Variants in ST6GALNAC6 observed in about 807,000 individuals in gnomAD.
The protein encoded by ST6GALNAC6 is alpha-N-acetylgalactosaminide alpha-2,6-sialyltransferase 6.
ST6GALNAC6 carries 19 observed loss-of-function variants against 34.3 expected under a neutral mutation model. The ratio of observed to expected loss-of-function variants is 0.55; its 90% CI spans 0.39 to 0.81. The LOEUF is 0.81. Among genes scored for constraint, ST6GALNAC6 ranks in the 40% least tolerant of loss-of-function variants. The pLI, the probability that ST6GALNAC6 is intolerant of heterozygous loss-of-function variation, is 0.00. For missense variants in ST6GALNAC6, 377 were observed against 467.7 expected (o/e 0.81, Z 1.79); for synonymous variants, 185 against 182.1 (o/e 1.02, Z -0.13).
intron 4 of ST6GALNAC6, among the ~76,000 whole-genome samples, chr9:127,891,824 C>T (rs976827461): frequency 6.6e-6 from 1 of 150,664 alleles, no homozygotes; most frequent in East Asian, 2.0e-4. Flanking sequence ...GGCAAGTGAC[C>T]AAAGAGCGAC....
Position 127,897,997 on chromosome 9 carries a change from C to T in ST6GALNAC6, c.-16G>A. On this transcript the variant is annotated 5_prime_UTR_variant, in exon 2 of 7. Transcript: ENST00000373146. Reference sequence around the variant, plus strand: ...AGCAAGCCATGTGACCTCTCTGAGCCTCAGTTTCCTCATCTGTGAAATGGG... The same window carrying T: ...AGCAAGCCATGTGACCTCTCTGAGCTTCAGTTTCCTCATCTGTGAAATGGG... 3 of 1,442,416 alleles carry T rather than the reference C, an allele frequency of 2.1e-6. No homozygotes were observed. The highest frequency in any genetic ancestry group is 2.9e-6 in the Non-Finnish European group (3 of 1,031,744). The allele number at this position is 1,442,416 out of a possible 1,614,324, so 89.4% of individuals were successfully genotyped here. A position where few individuals can be genotyped will look rare whatever the true frequency, so the allele number is the denominator to read the frequency against.
rs1178308476 is a variant in ST6GALNAC6 at position 127,885,847 on chromosome 9, G to C, written c.*752C>G. On this transcript the variant is annotated 3_prime_UTR_variant, in exon 7 of 7. Transcript: ENST00000373146. Reference sequence around the variant, plus strand: ...GCAAAAATACCCTAAAGTTTTCCAGGAGGTGGGGAGGTCACCCCAGACCCC... The same window carrying C: ...GCAAAAATACCCTAAAGTTTTCCAGCAGGTGGGGAGGTCACCCCAGACCCC... The C allele has an allele frequency of 6.6e-6, 1 of 152,200 alleles. No individual in the cohort carries two copies. Among genetic ancestry groups the C allele is most frequent in the African/African-American group, 2.4e-5 (1 of 41,416 alleles). 9.4% of individuals were successfully genotyped at this position (152,200 alleles called of 1,614,324 possible). A position where few individuals can be genotyped will look rare whatever the true frequency, so the allele number is the denominator to read the frequency against.
At chr9:127,887,155 C>T (rs1829821685) in intron 6 of ST6GALNAC6, among the ~76,000 whole-genome samples, 2 of 152,018 alleles carry the variant, frequency 1.3e-5, no homozygotes, top group African/African-American at 2.4e-5. Context: ...AGTTCTTATC[C>T]CGTAAGGTTG....
intron 2 of ST6GALNAC6, chr9:127,897,438 A>G: frequency 5.1e-6 from 5 of 987,020 alleles, no homozygotes; most frequent in Non-Finnish European, 6.0e-6. Flanking sequence ...GAGGCTTGGC[A>G]CACACACCTC....
At position 127,896,243 on chromosome 9, in the gene ST6GALNAC6, T is replaced by G; in HGVS notation, c.116A>C (p.Lys39Thr). 11 of 1,614,064 alleles carry G rather than the reference T, an allele frequency of 6.8e-6. No individual in the cohort carries two copies. The highest frequency in any genetic ancestry group is 9.3e-6 in the Non-Finnish European group (11 of 1,179,966). Residue 39 changes from lysine (K) to threonine (T), a missense_variant and splice_region_variant, in exon 3 of 7, where the codon AAA becomes ACA. Transcript: ENST00000373146. ...GTTAAGAAATGAAGGCAGACTTACTTTGTTGCTACTCATTTCTCTCCGGCG... is the reference window on the plus strand; with the variant it reads ...GTTAAGAAATGAAGGCAGACTTACTGTGTTGCTACTCATTTCTCTCCGGCG... Reference protein sequence around the residue: ...SRRRREMSSNKEQRSAVFVIL... With the variant: ...SRRRREMSSNTEQRSAVFVIL...
chr9:127,901,884 A>G (rs991315487), upstream of ST6GALNAC6, among the ~76,000 whole-genome samples: 1 of 152,102 alleles, frequency 6.6e-6, no homozygotes, highest in African/African-American at 2.4e-5. Context: ...AGTGACCGAG[A>G]TCGTGCCGCT....
chr9:127,891,365 C>T (rs1830123828), intron 4 of ST6GALNAC6, among the ~76,000 whole-genome samples: 1 of 152,176 alleles, frequency 6.6e-6, no homozygotes, highest in African/African-American at 2.4e-5. Context: ...CCTGTAATCC[C>T]AGCACTTTGG....
Position 127,891,029 on chromosome 9 carries a change from C to T in ST6GALNAC6, c.312G>A (p.Arg104=), listed in dbSNP as rs902514880. The T allele has an allele frequency of 1.1e-5, 17 of 1,613,802 alleles. No individual in the cohort carries two copies. The highest frequency in any genetic ancestry group is 3.3e-5 in the South Asian group (3 of 91,068). Residue 104 remains arginine (R), a synonymous_variant, in exon 5 of 7, where the codon CGG becomes CGA. Transcript: ENST00000373146. ...TGCTGACAATCACACACTGGTGGCA[C>T]CGAGAGGGCAGTGTCTGGTGGATAA... ...PILGNKTLPS[R]CHQCVIVSSS... is the part of the protein sequence containing the mutation.
In ST6GALNAC6 at chr9:127,890,742, A is replaced by T; in HGVS notation, c.599T>A (p.Ile200Asn). The change falls in exon 5 of 7, where the codon ATC (isoleucine) becomes AAC (asparagine). Residue 200 changes from isoleucine (I) to asparagine (N), a missense_variant. Physicochemically the swap from Ile to Asn is moderately radical, Grantham distance 149. Coordinates refer to ENST00000373146, the MANE Select transcript of ST6GALNAC6 (RefSeq NM_013443.5). This position sits in a 1 kb window ranked among gnomAD's most constrained non-coding sequence, Gnocchi z 4.3. The part of the protein sequence containing the change: ...QKPQGSLVRV[I>N]QRAGLVFPNM... ...GGGGAACACCAGGCCCGCTCGCTGG[A>T]TCACACGCACGAGGCTGCCCTGGGG... is the stretch of plus-strand genomic sequence containing the variant. 6.2e-7 allele frequency: 1 copy of T among 1,613,604 alleles called. No individual in the cohort carries two copies. Among genetic ancestry groups the T allele is most frequent in the Non-Finnish European group, 8.5e-7 (1 of 1,179,730 alleles).
At chr9:127,903,314 A>G (rs957034166), upstream of ST6GALNAC6, 1 of 152,166 alleles carries the variant, frequency 6.6e-6, no homozygotes, top group Admixed American at 6.5e-5. Context: ...GCCTTTTAAA[A>G]ATACATAACT....
intron 2 of ST6GALNAC6, among the ~76,000 whole-genome samples, chr9:127,896,634 G>C (rs763128443): frequency 3.3e-5 from 5 of 152,204 alleles, no homozygotes; most frequent in Non-Finnish European, 4.4e-5. Flanking sequence ...CCTCCACGCA[G>C]TAGGAGCCCC....
chr9:127,901,685 A>C (rs2131597163), upstream of ST6GALNAC6, among the ~76,000 whole-genome samples: 1 of 151,956 alleles, frequency 6.6e-6, no homozygotes, highest in South Asian at 2.1e-4. Context: ...TAATCCCAGC[A>C]CTTTGGGAGG....
intron 1 of ST6GALNAC6, among the ~76,000 whole-genome samples, chr9:127,899,100 AG>A (rs1039370557): frequency 8.5e-5 from 13 of 152,124 alleles, no homozygotes; most frequent in African/African-American, 2.9e-4. Flanking sequence ...TCCAGGGAGA[AG>A]GGGGAGGGGG....
chr9:127,890,757 C>A lies in ST6GALNAC6; in HGVS notation c.584G>T (p.Ser195Ile), dbSNP rs1194295214. The A allele has an allele frequency of 6.2e-7, 1 of 1,612,868 alleles. No individual in the cohort carries two copies. Among genetic ancestry groups the A allele is most frequent in the African/African-American group, 1.3e-5 (1 of 74,918 alleles). ...PPSKMQKPQG[S>I]LVRVIQRAGL... ...CGCTCGCTGGATCACACGCACGAGG[C>A]TGCCCTGGGGCTTCTGCATCTTGCT... The change falls in exon 5 of 7, where the codon AGC becomes ATC. Residue 195 changes from serine (S) to isoleucine (I), a missense_variant. Transcript: ENST00000373146. The surrounding 1 kb of genome is among the most constrained non-coding windows in gnomAD (Gnocchi z 4.3).
At chr9:127,897,280 G>C (rs1830521683) in intron 2 of ST6GALNAC6, 2 of 985,838 alleles carry the variant, frequency 2.0e-6, no homozygotes, top group Non-Finnish European at 1.2e-6. Context: ...GGAGTGCAGA[G>C]GGAAGAAACT....
intron 5 of ST6GALNAC6, among the ~76,000 whole-genome samples, chr9:127,888,775 C>T (rs938054676): frequency 6.6e-6 from 1 of 151,926 alleles, no homozygotes; most frequent in African/African-American, 2.4e-5. Flanking sequence ...CACTGCACTC[C>T]AGCCTGGGTG....
Position 127,896,471 on chromosome 9 carries a change from G to A in ST6GALNAC6, c.27-139C>T, listed in dbSNP as rs576973971. On this transcript the variant is annotated intron_variant, in intron 2 of 6. Transcript: ENST00000373146. ...TCAGGACTGTATCCCTTTTGCAGAC[G>A]GAGACACTGAGGGCCAGAAAGGCCA... 3.3e-4 allele frequency: 237 copies of A among 718,290 alleles called. No individual in the cohort carries two copies. In the East Asian group the frequency reaches 6.6e-3, roughly 20 times the overall value. 44.5% of individuals were successfully genotyped at this position (718,290 alleles called of 1,614,324 possible).
intron 6 of ST6GALNAC6, 124 bp downstream of exon 6, chr9:127,887,360 T>C: frequency 2.8e-6 from 2 of 711,446 alleles, no homozygotes; most frequent in Non-Finnish European, 4.9e-6. Context: ...TGAAGAACAG[T>C]TTGAAAACAA....
rs770434231 is a variant in ST6GALNAC6 at position 127,896,314 on chromosome 9, C to A, written c.45G>T (p.Leu15=). 6.2e-7 allele frequency: 1 copy of A among 1,613,104 alleles called. No individual in the cohort carries two copies. Among genetic ancestry groups the A allele is most frequent in the Non-Finnish European group, 8.5e-7 (1 of 1,179,462 alleles). Residue 15 remains leucine (L), a synonymous_variant, in exon 3 of 7, where the codon CTG becomes CTT. Transcript: ENST00000373146. ...RPPSQCEPTS[L]PPGPPAGRRH... is the part of the protein sequence containing the mutation. ...GGCGTCCTGCAGGTGGCCCTGGGGG[C>A]AGGGATGTGGGTTCACACCTGCAAG...
Sources: allele counts gnomAD v4.1 joint callset (sites outside exome capture counted in the v4.1 genomes callset), GRCh38; gene constraint gnomAD v4.1.1; non-coding constraint Gnocchi (gnomAD v3.1); transcripts MANE v1.5; gene names NCBI Gene and HGNC (gene_info 2026-07-23, HGNC 2026-07-21).